SLC8A1: variants seen among roughly 807,000 people sequenced by gnomAD.
SLC8A1 encodes the protein solute carrier family 8 member A1.
In SLC8A1, 18 loss-of-function variants were observed where a neutral mutation model predicts 68.3. The ratio of observed to expected loss-of-function variants is 0.26; its 90% CI spans 0.18 to 0.39. SLC8A1 has a LOEUF of 0.39. SLC8A1 is among the 10% of genes least tolerant of loss of function. The pLI, the probability that SLC8A1 is intolerant of heterozygous loss-of-function variation, is 1.00. For synonymous variants in SLC8A1, 475 were observed against 415.5 expected, an observed-to-expected ratio of 1.14 and a Z score of -1.74; for missense variants, 985 against 1,156.7, an observed-to-expected ratio of 0.85 and a Z score of 2.15.
intron 2 of SLC8A1, among the ~76,000 whole-genome samples, chr2:40,281,111 A>G (rs1474584803): frequency 6.6e-6 from 1 of 152,190 alleles, no homozygotes; most frequent in East Asian, 1.9e-4. Context: ...ATTTCACAAG[A>G]GTCACCTGTG....
chr2:40,460,697 G>T (rs1367583541), intron 1 of SLC8A1, among the ~76,000 whole-genome samples: 2 of 151,488 alleles, frequency 1.3e-5, no homozygotes, highest in Admixed American at 6.6e-5. Flanking sequence ...CAGCCTCCCC[G>T]AGTAGCTGGG....
chr2:40,264,068 A>G (rs1479031931), intron 2 of SLC8A1, among the ~76,000 whole-genome samples: 4 of 152,254 alleles, frequency 2.6e-5, no homozygotes, highest in African/African-American at 4.8e-5. Context: ...TTGCAAGAAG[A>G]CATTTATGCA....
At chr2:40,378,787 A>G (rs1575852184) in intron 2 of SLC8A1, among the ~76,000 whole-genome samples, 1 of 152,208 alleles carries the variant, frequency 6.6e-6, no homozygotes, top group South Asian at 2.1e-4. Context: ...ATTTTGGCCC[A>G]GCGAACTCAC....
At chr2:40,190,404 C>T (rs1353453323) in intron 2 of SLC8A1, 1 of 152,204 alleles carries the variant, frequency 6.6e-6, no homozygotes, top group East Asian at 1.9e-4. Context: ...TAAAACTCAT[C>T]TTCAGACTCC....
At chr2:40,393,299 G>A (rs1466025681) in intron 2 of SLC8A1, among the ~76,000 whole-genome samples, 1 of 152,002 alleles carries the variant, frequency 6.6e-6, no homozygotes, top group Non-Finnish European at 1.5e-5. Flanking sequence ...CTATCCAGTT[G>A]TGCTTTGAGG....
intron 4 of SLC8A1, among the ~76,000 whole-genome samples, chr2:40,167,791 A>T (rs1023409174): frequency 1.3e-5 from 2 of 152,166 alleles, no homozygotes; most frequent in African/African-American, 4.8e-5. Flanking sequence ...ACCTTATATT[A>T]ATTCCTTAAT....
chr2:40,472,820 T>C (rs769206822), intron 1 of SLC8A1, among the ~76,000 whole-genome samples: 2 of 152,206 alleles, frequency 1.3e-5, no homozygotes, highest in African/African-American at 4.8e-5. Context: ...GAGAGATAAT[T>C]CATGCAACTA....
chr2:40,120,590 G>T (rs1282044916), intron 7 of SLC8A1: 4 of 152,096 alleles, frequency 2.6e-5, no homozygotes, highest in Admixed American at 6.5e-5. Flanking sequence ...GTTTGATTTT[G>T]CTGGTTTTTT....
At chr2:40,402,123 TAAA>T in intron 2 of SLC8A1, among the ~76,000 whole-genome samples, 1 of 152,244 alleles carries the variant, frequency 6.6e-6, no homozygotes, top group South Asian at 2.1e-4. Context: ...AAGGATGTGG[TAAA>T]GAAGCTGGTC....
intron 1 of SLC8A1, among the ~76,000 whole-genome samples, chr2:40,465,549 T>C (rs1193286040): frequency 1.3e-5 from 2 of 152,170 alleles, no homozygotes; most frequent in East Asian, 3.9e-4. Flanking sequence ...CTACATCATC[T>C]CTTTTAATGT....
chr2:40,361,770 C>T (rs532389514), intron 2 of SLC8A1, among the ~76,000 whole-genome samples: 1 of 151,246 alleles, frequency 6.6e-6, no homozygotes, highest in Non-Finnish European at 1.5e-5. Flanking sequence ...TTGCCTCTGC[C>T]CAAATTCTAA....
At chr2:40,501,073 T>C (rs979692448) in intron 1 of SLC8A1, among the ~76,000 whole-genome samples, 3 of 152,016 alleles carry the variant, frequency 2.0e-5, no homozygotes, top group Non-Finnish European at 2.9e-5. Flanking sequence ...TTGTTCCTAC[T>C]TCAAGGCCTT....
At chr2:40,447,569 C>T in intron 1 of SLC8A1, among the ~76,000 whole-genome samples, 1 of 140,746 alleles carries the variant, frequency 7.1e-6, no homozygotes, top group Admixed American at 7.4e-5. Context: ...GCCAGTTGAC[C>T]TGATAAACCA....
At chr2:40,355,467 G>C (rs1343162150) in intron 2 of SLC8A1, among the ~76,000 whole-genome samples, 5 of 152,112 alleles carry the variant, frequency 3.3e-5, no homozygotes. Context: ...GGCACTGTTG[G>C]AGGGGTGGGA....
At chr2:40,422,093 C>A (rs1268911770) in intron 2 of SLC8A1, among the ~76,000 whole-genome samples, 1 of 152,064 alleles carries the variant, frequency 6.6e-6, no homozygotes, top group Non-Finnish European at 1.5e-5. Context: ...GCGGGCTCAC[C>A]CAAGGCAGTT....
At chr2:40,490,312 CAG>C (rs1438343432) in intron 1 of SLC8A1, among the ~76,000 whole-genome samples, 1 of 152,076 alleles carries the variant, frequency 6.6e-6, no homozygotes, top group African/African-American at 2.4e-5. Context: ...GGATTTTAAA[CAG>C]ACACTTTAGT....
chr2:40,235,597 C>T (rs1325801805), intron 2 of SLC8A1, among the ~76,000 whole-genome samples: 13 of 151,948 alleles, frequency 8.6e-5, no homozygotes, highest in Non-Finnish European at 1.2e-4. Context: ...GTCTCTATTT[C>T]CTTCAGTTCT....
rs145041799 is a variant in SLC8A1, at chr2:40,409,115, G to C, written c.1808+19358C>G. 2.6e-5 allele frequency among the ~76,000 whole-genome samples: 4 copies of C among 152,138 alleles called. No homozygotes were observed. In the East Asian group the frequency reaches 7.7e-4, roughly 29 times the overall value. On this transcript the variant is annotated intron_variant, in intron 2 of 7. Coordinates refer to ENST00000406785, the Ensembl canonical transcript of SLC8A1. ...CTTTTTCTGTAGTCATTTACATTTT[G>C]AGACAATGAGACAAGAATACAAGGT...
At chr2:40,308,884 G>A (rs2073161574) in intron 2 of SLC8A1, among the ~76,000 whole-genome samples, 1 of 152,158 alleles carries the variant, frequency 6.6e-6, no homozygotes, top group East Asian at 1.9e-4. Flanking sequence ...TCAGCATTTA[G>A]AGAAGACAGA....
Sources: gnomAD v4.1 joint callset for allele counts (sites outside exome capture counted in the v4.1 genomes callset) on GRCh38, gnomAD v4.1.1 for gene constraint, MANE v1.5 for transcripts, NCBI Gene and HGNC (gene_info 2026-07-23, HGNC 2026-07-21) for gene names.